Variants in SLC4A1AP observed in about 807,000 individuals in gnomAD.
The protein encoded by SLC4A1AP is solute carrier family 4 member 1 adaptor protein, also known as kanadaptin.
Under a neutral mutation model 89.7 loss-of-function variants are expected in SLC4A1AP, and 64 were observed. The ratio of observed to expected loss-of-function variants is 0.71; its 90% CI spans 0.58 to 0.88. The LOEUF (loss-of-function observed/expected upper bound fraction) is 0.88. Among genes scored for constraint, SLC4A1AP ranks in the 40% least tolerant of loss-of-function variants. SLC4A1AP has a pLI of 0.00. For missense variants in SLC4A1AP, 931 were observed against 965.0 expected (o/e 0.96, Z 0.47); for synonymous variants, 366 against 353.3 (o/e 1.04, Z -0.40).
At chr2:27,678,861 C>T (rs13021208) in intron 8 of SLC4A1AP, among the ~76,000 whole-genome samples, 25,772 of 151,310 alleles carry the variant, frequency 0.17, 2,660 homozygotes, top group East Asian at 0.33. Flanking sequence ...TGGGACCACA[C>T]GCATGCTCCA....
rs1675343219 is a variant in SLC4A1AP, at chr2:27,667,164, C to T, written c.1022-104C>T. 6 of 1,283,310 alleles carry T rather than the reference C, an allele frequency of 4.7e-6. No individual in the cohort carries two copies. In the South Asian group the frequency reaches 9.9e-5, roughly 21 times the overall value. The allele number at this position is 1,283,310 out of a possible 1,614,324, so 79.5% of individuals were successfully genotyped here. On this transcript the variant is annotated intron_variant, in intron 2 of 13. Coordinates refer to ENST00000613058, the Ensembl canonical transcript of SLC4A1AP. Reference sequence around the variant, plus strand: ...GATTACAGGCATGAGCCACTGCGCCCAGCCTAAACTATATCTTTATGCAGC... The same window carrying T: ...GATTACAGGCATGAGCCACTGCGCCTAGCCTAAACTATATCTTTATGCAGC...
chr2:27,664,202 G>C (rs1005011842), exon 1 of SLC4A1AP: 2 of 1,614,004 alleles, frequency 1.2e-6, no homozygotes, highest in African/African-American at 2.7e-5. Context: ...GTCCAGCCCG[G>C]GCTCCCCCCT....
intron 13 of SLC4A1AP, 88 bp from the exon 14 acceptor site, chr2:27,694,546 C>G: frequency 1.0e-6 from 1 of 953,462 alleles, no homozygotes; most frequent in South Asian, 2.4e-5. Flanking sequence ...GTCTATTTTA[C>G]TTTTTGGCCT....
Position 27,675,516 on chromosome 2 carries a change from T to G in SLC4A1AP, c.1346-16T>G. On this transcript the variant is annotated splice_polypyrimidine_tract_variant and intron_variant, in intron 5 of 13. Coordinates refer to ENST00000613058, the Ensembl canonical transcript of SLC4A1AP. ...TTTTTAAAAACTTATTTATTCATCATTTTATCTACCTCTAGTATCTCGGAA... is the reference window on the plus strand; with the variant it reads ...TTTTTAAAAACTTATTTATTCATCAGTTTATCTACCTCTAGTATCTCGGAA... 1.3e-6 allele frequency: 2 copies of G among 1,526,742 alleles called. No individual in the cohort carries two copies. The highest frequency in any genetic ancestry group is 1.8e-6 in the Non-Finnish European group (2 of 1,133,864). The allele number at this position is 1,526,742 out of a possible 1,614,324, so 94.6% of individuals were successfully genotyped here.
intron 9 of SLC4A1AP, among the ~76,000 whole-genome samples, 193 bp downstream of exon 9, chr2:27,682,552 G>T (rs1675637465): frequency 7.0e-6 from 1 of 143,452 alleles, no homozygotes; most frequent in African/African-American, 2.6e-5. Flanking sequence ...TGGAGACAGA[G>T]TCTCACTCTG....
chr2:27,673,735 T>C (rs1472561342), intron 5 of SLC4A1AP, among the ~76,000 whole-genome samples: 2 of 151,946 alleles, frequency 1.3e-5, no homozygotes, highest in Non-Finnish European at 2.9e-5. Flanking sequence ...AGAGGGAAAT[T>C]AGATATGTGT....
At chr2:27,667,311 C>G (rs1675345403) in exon 3 of SLC4A1AP, 1 of 1,613,438 alleles carries the variant, frequency 6.2e-7, no homozygotes, top group African/African-American at 1.3e-5. Flanking sequence ...ACCCTATTGT[C>G]TTAGAGTTTC....
chr2:27,668,280 C>T (rs1398238600), intron 3 of SLC4A1AP, among the ~76,000 whole-genome samples: 1 of 152,058 alleles, frequency 6.6e-6, no homozygotes, highest in Non-Finnish European at 1.5e-5. Context: ...TCCCGAGTAG[C>T]TGGGACTACA....
chr2:27,672,892 C>T (rs1249546505), intron 5 of SLC4A1AP, among the ~76,000 whole-genome samples: 1 of 152,146 alleles, frequency 6.6e-6, no homozygotes, highest in Non-Finnish European at 1.5e-5. Flanking sequence ...GCCAGCATTC[C>T]TAGAGCTAAG....
intron 5 of SLC4A1AP, among the ~76,000 whole-genome samples, chr2:27,672,285 A>T (rs1404193338): frequency 6.6e-6 from 1 of 151,826 alleles, no homozygotes; most frequent in Non-Finnish European, 1.5e-5. Context: ...TCTTGGACAG[A>T]CCATTTAAGT....
chr2:27,669,288 G>A, exon 5 of SLC4A1AP: 1 of 1,613,024 alleles, frequency 6.2e-7, no homozygotes, highest in South Asian at 1.1e-5. Flanking sequence ...ACTGGTGGCT[G>A]AGGCCATTCA....
intron 12 of SLC4A1AP, among the ~76,000 whole-genome samples, chr2:27,689,123 A>G (rs1250448277): frequency 6.6e-6 from 1 of 151,880 alleles, no homozygotes; most frequent in Non-Finnish European, 1.5e-5. Context: ...TTATTTATTT[A>G]TTTATTTATT....
intron 5 of SLC4A1AP, among the ~76,000 whole-genome samples, chr2:27,674,941 C>T (rs1408538283): frequency 3.9e-5 from 6 of 151,974 alleles, no homozygotes; most frequent in Non-Finnish European, 5.9e-5. Flanking sequence ...TGACCTCAGG[C>T]GATCCATCCC....
At chr2:27,691,198 T>G (rs1558511028) in intron 12 of SLC4A1AP, among the ~76,000 whole-genome samples, 2 of 152,116 alleles carry the variant, frequency 1.3e-5, no homozygotes, top group Non-Finnish European at 2.9e-5. Context: ...GGTAATATTT[T>G]TTAATTACTG....
At chr2:27,678,562 A>T (rs1441955846) in intron 8 of SLC4A1AP, among the ~76,000 whole-genome samples, 1 of 151,868 alleles carries the variant, frequency 6.6e-6, no homozygotes, top group Non-Finnish European at 1.5e-5. Context: ...TAATAAAAAG[A>T]CCTCTGAATG....
intron 8 of SLC4A1AP, among the ~76,000 whole-genome samples, chr2:27,681,327 GCT>G (rs1675615864): frequency 6.6e-6 from 1 of 152,160 alleles, no homozygotes; most frequent in Admixed American, 6.5e-5. Context: ...ACTTAAGAGT[GCT>G]ACTAAGGGGA....
rs779509020 is a variant in SLC4A1AP at position 27,693,690 on chromosome 2, A to G, written c.2277A>G (p.Pro759=). ...AATCCATCTTTTCTTTTTAGCTTCC[A>G]CCAACACTTTCTTCCAAATATCCTG... is the stretch of plus-strand genomic sequence containing the variant. The change falls in exon 13 of 14, where the codon CCA becomes CCG. Residue 759 remains proline (P), a synonymous_variant. Coordinates refer to ENST00000613058, the Ensembl canonical transcript of SLC4A1AP. 15 of 1,604,180 alleles carry G rather than the reference A, an allele frequency of 9.4e-6. No homozygotes were observed. The Admixed American group carries it at 1.2e-4, about 13-fold the overall frequency.
rs748349840 is a variant in SLC4A1AP at position 27,665,238 on chromosome 2, GAAAGGAAGAT to G, written c.968_977del (p.Arg323MetfsTer20). On this transcript the variant is annotated frameshift_variant, in exon 2 of 14. Coordinates refer to ENST00000613058, the Ensembl canonical transcript of SLC4A1AP. LOFTEE classifies it high-confidence loss of function. Reference sequence around the variant, plus strand: ...TGAAGAAGAGGAAATGGATACCTCTGAAAGGAAGATAAATGCTGGTAGCCAAGATGATGAG... The same window carrying G: ...TGAAGAAGAGGAAATGGATACCTCTGAAATGCTGGTAGCCAAGATGATGAG... 1 of 1,613,210 alleles carries G rather than the reference GAAAGGAAGAT, an allele frequency of 6.2e-7. No individual in the cohort carries two copies.
At chr2:27,678,058 G>A in intron 8 of SLC4A1AP, 134 bp downstream of exon 8, 2 of 581,484 alleles carry the variant, frequency 3.4e-6, no homozygotes, top group Non-Finnish European at 5.6e-6. Context: ...AGCACAGAAA[G>A]CAGTGGTTTC....
Sources: allele counts gnomAD v4.1 joint callset (sites outside exome capture counted in the v4.1 genomes callset), GRCh38; gene constraint gnomAD v4.1.1; transcripts MANE v1.5; gene names NCBI Gene and HGNC (gene_info 2026-07-23, HGNC 2026-07-21).